Variants in LRRC75A observed in about 807,000 individuals in gnomAD.
LRRC75A encodes the protein leucine rich repeat containing 75A, also known as leucine-rich repeat-containing protein 75A.
LRRC75A carries 12 observed loss-of-function variants against 26.0 expected under a neutral mutation model. That is an observed-to-expected ratio of 0.46 (90% confidence interval 0.30 to 0.75). The LOEUF (loss-of-function observed/expected upper bound fraction) is 0.75, where lower values mean the gene tolerates loss of function less well. Among genes scored for constraint, LRRC75A ranks in the 30% least tolerant of loss-of-function variants. The pLI is 0.08. For synonymous variants in LRRC75A, 223 were observed against 219.3 expected (o/e 1.02, Z -0.15); for missense variants, 410 against 486.6 (o/e 0.84, Z 1.48).
intron 2 of LRRC75A, 140 bp from the exon 3 acceptor site, chr17:16,448,100 G>C: frequency 4.2e-6 from 3 of 710,332 alleles, no homozygotes; most frequent in Non-Finnish European, 7.6e-6. Flanking sequence ...GCCTAGGGTG[G>C]GCACCCTAGG....
At chr17:16,444,994 G>A (rs1277602160) in intron 3 of LRRC75A, among the ~76,000 whole-genome samples, 2 of 151,134 alleles carry the variant, frequency 1.3e-5, no homozygotes, top group East Asian at 1.9e-4. Flanking sequence ...GATTACAGGC[G>A]TCTGCCACCA....
At position 16,448,894 on chromosome 17, in the gene LRRC75A, CTG is replaced by C. The variant is rs371096737; in HGVS notation, c.376-936_376-935del. Among the ~76,000 whole-genome samples the C allele has an allele frequency of 8.9e-4, 136 of 152,330 alleles. No individual in the cohort carries two copies. The South Asian group carries it at 0.011, about 12-fold the overall frequency. ...ACTGTCTGCTGTTTAGACCACCAGT[CTG>C]TGATTTTTTGTTATGGCAGACACTG... is the stretch of plus-strand genomic sequence containing the variant. On this transcript the variant is annotated intron_variant, in intron 2 of 3. Coordinates refer to ENST00000470794, the MANE Select transcript of LRRC75A (RefSeq NM_001113567.3).
intron 2 of LRRC75A, among the ~76,000 whole-genome samples, chr17:16,452,001 C>A (rs952883941): frequency 6.7e-6 from 1 of 149,998 alleles, no homozygotes; most frequent in African/African-American, 2.5e-5. Context: ...CCCGCCTCGG[C>A]CTCCCATTAC....
At chr17:16,477,896 C>T (rs2093824856) in intron 1 of LRRC75A, among the ~76,000 whole-genome samples, 1 of 152,182 alleles carries the variant, frequency 6.6e-6, no homozygotes, top group South Asian at 2.1e-4. Flanking sequence ...CTGAGTTTGT[C>T]TACAGCTTCG....
intron 3 of LRRC75A, 53 bp downstream of exon 3, chr17:16,447,792 C>A: frequency 7.4e-7 from 1 of 1,352,288 alleles, no homozygotes; most frequent in South Asian, 1.4e-5. Flanking sequence ...GGAGGGGTGC[C>A]CTGTAACACA....
chr17:16,446,523 G>T (rs991643008), intron 3 of LRRC75A, among the ~76,000 whole-genome samples: 2 of 152,208 alleles, frequency 1.3e-5, no homozygotes, highest in African/African-American at 4.8e-5. Flanking sequence ...GAACCAGCAG[G>T]AAGGCCAGTG....
At position 16,444,211 on chromosome 17, in the gene LRRC75A, C is replaced by T. The variant is rs969931119; in HGVS notation, c.492-80G>A. ...AGAAGCTGCAGTGCCAGCCTCTGCTCGGCTCTCCGACGCTAGGGACTGCTT... is the reference window on the plus strand; with the variant it reads ...AGAAGCTGCAGTGCCAGCCTCTGCTTGGCTCTCCGACGCTAGGGACTGCTT... On this transcript the variant is annotated intron_variant, in intron 3 of 3. Coordinates refer to ENST00000470794, the MANE Select transcript of LRRC75A (RefSeq NM_001113567.3). The T allele has an allele frequency of 1.2e-5, 14 of 1,199,606 alleles. No individual in the cohort carries two copies. The East Asian group carries it at 1.2e-4, about 10-fold the overall frequency. 74.3% of individuals were successfully genotyped at this position (1,199,606 alleles called of 1,614,324 possible).
intron 1 of LRRC75A, among the ~76,000 whole-genome samples, chr17:16,484,751 G>A (rs996782128): frequency 3.9e-5 from 6 of 152,096 alleles, no homozygotes; most frequent in African/African-American, 1.2e-4. Context: ...AAAGACACGC[G>A]GACACTGAGG....
chr17:16,453,933 G>A (rs554543390), intron 2 of LRRC75A, among the ~76,000 whole-genome samples: 5 of 152,126 alleles, frequency 3.3e-5, no homozygotes, highest in Non-Finnish European at 7.3e-5. Flanking sequence ...CTTCTGTCTT[G>A]AAGACCATTC....
intron 1 of LRRC75A, among the ~76,000 whole-genome samples, chr17:16,471,795 C>T (rs2093807054): frequency 1.3e-5 from 2 of 152,162 alleles, no homozygotes; most frequent in African/African-American, 2.4e-5. Flanking sequence ...GAAATAAGCT[C>T]GGAACGAGAG....
chr17:16,476,786 T>G (rs1028652723), intron 1 of LRRC75A, among the ~76,000 whole-genome samples: 2 of 140,578 alleles, frequency 1.4e-5, no homozygotes, highest in African/African-American at 5.4e-5. Flanking sequence ...TCACCCAGGC[T>G]GGAGTGCAGT....
At chr17:16,457,704 A>T (rs1223133672) in intron 2 of LRRC75A, among the ~76,000 whole-genome samples, 1 of 151,908 alleles carries the variant, frequency 6.6e-6, no homozygotes, top group Non-Finnish European at 1.5e-5. Flanking sequence ...TTGGGCTCAC[A>T]CCTGCAATCC....
In LRRC75A at chr17:16,491,503, T is replaced by A. The variant is rs770886111; in HGVS notation, c.246+242A>T. On this transcript the variant is annotated intron_variant, in intron 1 of 3. Coordinates refer to ENST00000470794, the MANE Select transcript of LRRC75A (RefSeq NM_001113567.3). The surrounding 1 kb of genome is among the most constrained non-coding windows in gnomAD (Gnocchi z 5.9). ...GCGGAGGAGAGCAGTGGGGACATTATGCCAACAGGTCCCCTTCGGCGGGCC... is the reference window on the plus strand; with the variant it reads ...GCGGAGGAGAGCAGTGGGGACATTAAGCCAACAGGTCCCCTTCGGCGGGCC... 1.1e-4 allele frequency among the ~76,000 whole-genome samples: 16 copies of A among 152,228 alleles called. No individual in the cohort carries two copies. The highest frequency in any genetic ancestry group is 2.1e-4 in the Non-Finnish European group (14 of 68,028).
chr17:16,447,998 C>T (rs1204741636), intron 2 of LRRC75A, 38 bp from the exon 3 acceptor site: 1 of 1,512,168 alleles, frequency 6.6e-7, no homozygotes. Context: ...CCCTGAGTGG[C>T]TGGGTGCACC....
At chr17:16,475,414 G>C (rs1558242) in intron 1 of LRRC75A, among the ~76,000 whole-genome samples, 72 of 152,336 alleles carry the variant, frequency 4.7e-4, no homozygotes, top group Admixed American at 1.7e-3. Context: ...AGGCTGGGAA[G>C]CTGGGGACCC....
chr17:16,468,433 G>C (rs1360295940), intron 1 of LRRC75A, among the ~76,000 whole-genome samples: 1 of 152,198 alleles, frequency 6.6e-6, no homozygotes, highest in African/African-American at 2.4e-5. Context: ...AGGACACAGG[G>C]ACAAATAAGT....
At chr17:16,449,344 C>G (rs1046793390) in intron 2 of LRRC75A, among the ~76,000 whole-genome samples, 2 of 152,184 alleles carry the variant, frequency 1.3e-5, no homozygotes, top group African/African-American at 4.8e-5. Flanking sequence ...GGCTTTGTCC[C>G]GTTCTGTGTG....
At chr17:16,447,713 T>G in intron 3 of LRRC75A, 132 bp downstream of exon 3, 2 of 643,412 alleles carry the variant, frequency 3.1e-6, no homozygotes, top group Non-Finnish European at 2.6e-6. Flanking sequence ...CCTCCTTCCA[T>G]CTTACCTCCT....
chr17:16,471,800 C>T (rs1267747730), intron 1 of LRRC75A, among the ~76,000 whole-genome samples: 1 of 152,142 alleles, frequency 6.6e-6, no homozygotes, highest in East Asian at 1.9e-4. Flanking sequence ...AAGCTCGGAA[C>T]GAGAGGACAA....
Sources: allele counts gnomAD v4.1 joint callset (sites outside exome capture counted in the v4.1 genomes callset), GRCh38; gene constraint gnomAD v4.1.1; non-coding constraint Gnocchi (gnomAD v3.1); transcripts MANE v1.5; gene names NCBI Gene and HGNC (gene_info 2026-07-23, HGNC 2026-07-21).